The following ZC3H12B variants were observed in gnomAD, a reference collection of about 807,000 sequenced individuals.
The protein encoded by ZC3H12B is zinc finger CCCH-type containing 12B.
A neutral mutation model predicts 43.9 loss-of-function variants in ZC3H12B; 7 were observed. The observed-to-expected ratio is 0.16, with a 90% CI of 0.09 to 0.30. The LOEUF (loss-of-function observed/expected upper bound fraction) is 0.30. Ranked by LOEUF, ZC3H12B falls within the 10% of genes least tolerant of loss-of-function variation. The pLI is 1.00. For synonymous variants in ZC3H12B, 222 were observed against 241.7 expected (o/e 0.92, Z 0.76); for missense variants, 475 against 670.2 (o/e 0.71, Z 3.22).
At chrX:65,094,921 A>G in the ZC3H12B span, among the ~76,000 whole-genome samples, 2 of 112,072 alleles carry the variant, frequency 1.8e-5, no homozygotes, top group Non-Finnish European at 3.8e-5. Flanking sequence ...AATTGAACCT[A>G]AAGGAACAAT....
intron 3 of ZC3H12B, among the ~76,000 whole-genome samples, chrX:65,421,709 C>T (rs778185833): frequency 8.9e-6 from 1 of 111,896 alleles, no homozygotes; most frequent in African/African-American, 3.3e-5. Context: ...CGCCTGTAAT[C>T]CCAGCACTTT....
At chrX:65,239,391 A>G in the ZC3H12B span, among the ~76,000 whole-genome samples, 6 of 107,252 alleles carry the variant, frequency 5.6e-5, no homozygotes, top group African/African-American at 2.0e-4. Flanking sequence ...TAGGATTGCA[A>G]CACCTGCTCT....
At chrX:65,278,094 T>A in the ZC3H12B span, among the ~76,000 whole-genome samples, 1 of 111,684 alleles carries the variant, frequency 9.0e-6, no homozygotes, top group Non-Finnish European at 1.9e-5. Context: ...TTGTGTGTGA[T>A]CCATCACAAT....
the ZC3H12B span, among the ~76,000 whole-genome samples, chrX:65,146,658 T>C: frequency 2.7e-5 from 3 of 111,663 alleles, no homozygotes; most frequent in Non-Finnish European, 5.6e-5. Flanking sequence ...GGTGTTCCTT[T>C]TATGAAGTAC....
the ZC3H12B span, among the ~76,000 whole-genome samples, chrX:65,291,223 T>C: frequency 9.0e-6 from 1 of 111,516 alleles, no homozygotes; most frequent in Admixed American, 9.5e-5. Flanking sequence ...AACCACTATG[T>C]AAACAGTATG....
At chrX:65,117,744 T>C in the ZC3H12B span, among the ~76,000 whole-genome samples, 1 of 111,992 alleles carries the variant, frequency 8.9e-6, no homozygotes, top group African/African-American at 3.3e-5. Context: ...TTGTATAACG[T>C]ATAAGGAAGG....
chrX:65,358,303 G>A, the ZC3H12B span, among the ~76,000 whole-genome samples: 2 of 111,250 alleles, frequency 1.8e-5, no homozygotes, highest in East Asian at 5.6e-4. Flanking sequence ...TGATATTCAG[G>A]ACTTAAACTC....
intron 3 of ZC3H12B, among the ~76,000 whole-genome samples, chrX:65,462,496 G>A (rs948091661): frequency 1.4e-4 from 16 of 111,316 alleles, no homozygotes; most frequent in East Asian, 1.4e-3. Flanking sequence ...GCAAGACGCC[G>A]TCTCAAAAAA....
the ZC3H12B span, among the ~76,000 whole-genome samples, chrX:65,244,446 A>T: frequency 9.1e-6 from 1 of 110,085 alleles, no homozygotes; most frequent in African/African-American, 3.3e-5. Flanking sequence ...CACAATACTT[A>T]ATTCATTAAA....
the ZC3H12B span, among the ~76,000 whole-genome samples, chrX:65,301,097 T>C: frequency 1.8e-5 from 2 of 111,150 alleles, no homozygotes; most frequent in African/African-American, 6.5e-5. Context: ...CCAACATCAC[T>C]ATTGATCAGG....
the ZC3H12B span, among the ~76,000 whole-genome samples, chrX:65,195,344 T>G: frequency 9.0e-6 from 1 of 111,629 alleles, no homozygotes; most frequent in African/African-American, 3.3e-5. Context: ...GTTTTTTGAT[T>G]TGAGGTAACC....
At chrX:65,408,194 G>A (rs2066859967) in intron 3 of ZC3H12B, 4 of 1,199,640 alleles carry the variant, frequency 3.3e-6, no homozygotes, top group Non-Finnish European at 4.5e-6. Context: ...GTTCCTGCAG[G>A]CGCAGTATCA....
the ZC3H12B span, among the ~76,000 whole-genome samples, chrX:65,280,582 G>C: frequency 9.0e-6 from 1 of 111,720 alleles, no homozygotes; most frequent in Admixed American, 9.5e-5. Flanking sequence ...TTGTAAAGAA[G>C]GTAGTAAAAT....
chrX:65,443,993 T>A (rs765323301), intron 3 of ZC3H12B, among the ~76,000 whole-genome samples: 32 of 112,658 alleles, frequency 2.8e-4, no homozygotes, highest in Non-Finnish European at 5.8e-4. Flanking sequence ...GAGTTTGCTC[T>A]ATTTATGTTC....
chrX:65,194,658 A>G, the ZC3H12B span, among the ~76,000 whole-genome samples: 1 of 112,034 alleles, frequency 8.9e-6, no homozygotes, highest in African/African-American at 3.2e-5. Context: ...CAGCCTTTGA[A>G]TGAAATGTTC....
At chrX:65,394,910 G>T (rs1371947153) in intron 2 of ZC3H12B, among the ~76,000 whole-genome samples, 1 of 111,331 alleles carries the variant, frequency 9.0e-6, no homozygotes, top group East Asian at 2.8e-4. Context: ...CCTTGAAGAG[G>T]TCCTTCAGGT....
At chrX:65,161,010 T>A in the ZC3H12B span, among the ~76,000 whole-genome samples, 4 of 111,293 alleles carry the variant, frequency 3.6e-5, no homozygotes, top group African/African-American at 9.9e-5. Flanking sequence ...GCCTTCATTT[T>A]GTTATGTACC....
the ZC3H12B span, among the ~76,000 whole-genome samples, chrX:65,303,229 G>C: frequency 9.0e-6 from 1 of 110,683 alleles, no homozygotes. Context: ...AAGGACGGGA[G>C]GAAGGAGAGG....
chrX:65,233,869 C>T, the ZC3H12B span, among the ~76,000 whole-genome samples: 3 of 110,750 alleles, frequency 2.7e-5, no homozygotes, highest in Non-Finnish European at 5.7e-5. Flanking sequence ...AAAAATAAAA[C>T]GAGAGACAAA....
Sources: gnomAD v4.1 joint callset for allele counts (sites outside exome capture counted in the v4.1 genomes callset) on GRCh38, gnomAD v4.1.1 for gene constraint, MANE v1.5 for transcripts, NCBI Gene and HGNC (gene_info 2026-07-23, HGNC 2026-07-21) for gene names.